The following TMLHE variants were observed in gnomAD, a reference collection of about 807,000 sequenced individuals.
TMLHE encodes trimethyllysine hydroxylase, epsilon.
Under a neutral mutation model 25.7 loss-of-function variants are expected in TMLHE, and 18 were observed. The ratio of observed to expected loss-of-function variants is 0.70; its 90% confidence interval spans 0.48 to 1.04. TMLHE has a LOEUF of 1.04. Among genes scored for constraint, TMLHE ranks in the 50% least tolerant of loss-of-function variants. The pLI is 0.00. For missense variants in TMLHE, 236 were observed against 259.0 expected (o/e 0.91, Z 0.61); for synonymous variants, 105 against 97.0 (o/e 1.08, Z -0.49).
chrX:155,527,697 CA>C (rs1277449268), intron 2 of TMLHE, among the ~76,000 whole-genome samples: 6 of 110,411 alleles, frequency 5.4e-5, no homozygotes, highest in East Asian at 2.8e-4. Context: ...TCATATAATT[CA>C]AAAAAAATAA....
chrX:155,553,764 G>A (rs2067430101), intron 1 of TMLHE, among the ~76,000 whole-genome samples: 1 of 108,960 alleles, frequency 9.2e-6, no homozygotes, highest in East Asian at 2.9e-4. Context: ...TACTAATATG[G>A]TAATTTGTAT....
intron 2 of TMLHE, among the ~76,000 whole-genome samples, chrX:155,530,734 A>G (rs143425968): frequency 2.4e-3 from 275 of 112,496 alleles, no homozygotes; most frequent in African/African-American, 8.6e-3. Context: ...AAAACTACTG[A>G]ACCTTGGGTA....
intron 1 of TMLHE, among the ~76,000 whole-genome samples, chrX:155,603,358 A>AAAAG (rs782320543): frequency 1.4e-5 from 1 of 72,015 alleles, no homozygotes; most frequent in East Asian, 4.3e-4. Context: ...AGAAGAAAAG[A>AAAAG]AAAGAAAGAA....
chrX:155,573,534 G>A (rs1266031910), intron 1 of TMLHE, among the ~76,000 whole-genome samples: 1 of 56,277 alleles, frequency 1.8e-5, no homozygotes, highest in Non-Finnish European at 4.6e-5. Context: ...CCATGCACAC[G>A]TATGTTTATT....
In TMLHE at chrX:155,524,477, C is replaced by T. The variant is rs2124369244; in HGVS notation, c.337G>A (p.Glu113Lys). The T allele has an allele frequency of 8.3e-7, 1 of 1,199,470 alleles. No individual in the cohort carries two copies. Among genetic ancestry groups the T allele is most frequent in the Non-Finnish European group, 1.1e-6 (1 of 889,420 alleles). The change falls in exon 3 of 8, where the codon GAG becomes AAG. Residue 113 changes from glutamate to lysine, a missense_variant. This residue lies in a region of TMLHE where 217 missense variants were observed against 214.6 expected (regional missense o/e 1.01). Coordinates refer to ENST00000334398, the MANE Select transcript of TMLHE (RefSeq NM_018196.4). Reference protein sequence around the residue: ...CIKPKTIRLDETTLFFTWPDG... With the variant: ...CIKPKTIRLDKTTLFFTWPDG... The stretch of plus-strand genomic sequence containing the variant: ...TCACAAGTGAAAAAGAGTGTGGTCT[C>T]ATCCAGACGAATGGTCTTTGGCTTG...
At chrX:155,558,620 G>C (rs1356380420) in intron 1 of TMLHE, among the ~76,000 whole-genome samples, 2 of 111,515 alleles carry the variant, frequency 1.8e-5, no homozygotes, top group African/African-American at 3.3e-5. Context: ...TAATCTTAAT[G>C]TCTGCTTAAG....
At chrX:155,545,029 T>C (rs1167541871) in intron 2 of TMLHE, 67 bp downstream of exon 2, 2 of 1,118,731 alleles carry the variant, frequency 1.8e-6, no homozygotes, top group African/African-American at 3.7e-5. Context: ...TTTTGATATA[T>C]GTGCTGCCAA....
At chrX:155,603,598 T>C (rs1557347565) in intron 1 of TMLHE, among the ~76,000 whole-genome samples, 1 of 111,620 alleles carries the variant, frequency 9.0e-6, no homozygotes, top group Non-Finnish European at 1.9e-5. Flanking sequence ...GGAACACAAT[T>C]GAGAGGTCGG....
chrX:155,610,752 T>A (rs1327602067), intron 1 of TMLHE, among the ~76,000 whole-genome samples: 1 of 111,564 alleles, frequency 9.0e-6, no homozygotes, highest in African/African-American at 3.3e-5. Context: ...ATGGATTTTT[T>A]AAAATATTCA....
chrX:155,529,545 T>TG (rs1393474889), intron 2 of TMLHE, among the ~76,000 whole-genome samples: 2 of 111,725 alleles, frequency 1.8e-5, no homozygotes, highest in African/African-American at 3.3e-5. Context: ...GGTATTCTAA[T>TG]GGGTGTCAGG....
chrX:155,515,685 C>A (rs2067147962), intron 3 of TMLHE, among the ~76,000 whole-genome samples: 2 of 111,257 alleles, frequency 1.8e-5, no homozygotes, highest in Admixed American at 9.6e-5. Flanking sequence ...GAACTGCTAT[C>A]TTGTAATAAT....
Position 155,560,257 on chromosome X carries a change from C to G in TMLHE, c.-1-14980G>C, listed in dbSNP as rs782424849. Among the ~76,000 whole-genome samples, 3 of 110,713 alleles carry G rather than the reference C, an allele frequency of 2.7e-5. No individual in the cohort carries two copies. In the South Asian group the frequency reaches 1.2e-3, roughly 43 times the overall value. On this transcript the variant is annotated intron_variant, in intron 1 of 7. Transcript: ENST00000334398. ...GTTCCTTAGGTCTCAGATTAAATATCAATTCATTGAGAAACCTTCGCTGAC... is the reference window on the plus strand; with the variant it reads ...GTTCCTTAGGTCTCAGATTAAATATGAATTCATTGAGAAACCTTCGCTGAC...
chrX:155,531,255 G>A (rs1336851150), intron 2 of TMLHE, among the ~76,000 whole-genome samples: 1 of 111,881 alleles, frequency 8.9e-6, no homozygotes, highest in Non-Finnish European at 1.9e-5. Flanking sequence ...AATACCTGGG[G>A]CTAGGTAACT....
intron 6 of TMLHE, among the ~76,000 whole-genome samples, chrX:155,505,260 C>G (rs2067069773): frequency 9.0e-6 from 1 of 111,111 alleles, no homozygotes; most frequent in Non-Finnish European, 1.9e-5. Context: ...TTCAACTTTT[C>G]TATATGTTTA....
At position 155,547,590 on chromosome X, in the gene TMLHE, C is replaced by A. The variant is rs781782873; in HGVS notation, c.-1-2313G>T. ...ATTTATAATAGTTTTAAGCATACAA[C>A]ACAGTGAAAGGTGCAAAGGAGTAAG... On this transcript the variant is annotated intron_variant, in intron 1 of 7. Transcript: ENST00000334398. Among the ~76,000 whole-genome samples the A allele has an allele frequency of 3.8e-4, 42 of 111,157 alleles. 1 individual carries two copies. In the South Asian group the frequency reaches 0.016, roughly 41 times the overall value.
At chrX:155,575,183 T>C (rs145255769) in intron 1 of TMLHE, among the ~76,000 whole-genome samples, 1,387 of 112,110 alleles carry the variant, frequency 0.012, 16 homozygotes, top group Non-Finnish European at 0.014. Flanking sequence ...CTTCTCCCTG[T>C]CTTCACATCA....
At chrX:155,535,806 G>A (rs1337250028) in intron 2 of TMLHE, among the ~76,000 whole-genome samples, 2 of 111,685 alleles carry the variant, frequency 1.8e-5, no homozygotes, top group African/African-American at 6.5e-5. Flanking sequence ...AATCCCTTAA[G>A]TAGTTTCCCA....
intron 1 of TMLHE, among the ~76,000 whole-genome samples, chrX:155,599,863 C>T (rs1293682726): frequency 9.0e-6 from 1 of 111,085 alleles, no homozygotes; most frequent in Non-Finnish European, 1.9e-5. Context: ...GTGTATGGGG[C>T]AGGTTGGTTA....
At position 155,511,770 on chromosome X, in the gene TMLHE, A is replaced by G. The variant is rs202157912; in HGVS notation, c.661T>C (p.Trp221Arg). 2 of 1,187,901 alleles carry G rather than the reference A, an allele frequency of 1.7e-6. No homozygotes were observed. Among genetic ancestry groups the G allele is most frequent in the Non-Finnish European group, 2.3e-6 (2 of 879,382 alleles). Reference sequence around the variant, plus strand: ...CTGGAGAAGTCTGAAGTGAAATACCACATCCTCCCATAAATGGTTTCTCTG... The same window carrying G: ...CTGGAGAAGTCTGAAGTGAAATACCGCATCCTCCCATAAATGGTTTCTCTG... Reference protein sequence around the residue: ...LIRETIYGRMWYFTSDFSRGD... With the variant: ...LIRETIYGRMRYFTSDFSRGD... The change falls in exon 5 of 8, where the codon TGG becomes CGG. Residue 221 changes from tryptophan (W) to arginine (R), a missense_variant. By Grantham distance (101) the Trp-to-Arg change is moderately radical. Around this residue, in one of 2 missense-constraint regions of TMLHE, gnomAD observed 217 missense variants for 214.6 expected, o/e 1.01. Transcript: ENST00000334398.
Sources: allele counts gnomAD v4.1 joint callset (sites outside exome capture counted in the v4.1 genomes callset), GRCh38; gene constraint gnomAD v4.1.1; regional missense constraint gnomAD v4.1.1; transcripts MANE v1.5; gene names NCBI Gene and HGNC (gene_info 2026-07-23, HGNC 2026-07-21).